Variants in GALNTL6 observed in about 807,000 individuals in gnomAD.
The protein encoded by GALNTL6 is polypeptide N-acetylgalactosaminyltransferase-like 6.
A neutral mutation model predicts 73.7 loss-of-function variants in GALNTL6; 46 were observed. That is an observed-to-expected ratio of 0.62 (90% CI 0.49 to 0.80). The LOEUF (loss-of-function observed/expected upper bound fraction) is 0.80. GALNTL6 is among the 30% of genes least tolerant of loss of function. The probability of loss-of-function intolerance (pLI) is 0.00; values close to 1 mark genes in which losing one functional copy is unlikely to be tolerated. For synonymous variants in GALNTL6, 259 were observed against 263.7 expected, an observed-to-expected ratio of 0.98 and a Z score of 0.17; for missense variants, 604 against 755.0, an observed-to-expected ratio of 0.80 and a Z score of 2.34.
intron 2 of GALNTL6, among the ~76,000 whole-genome samples, chr4:172,039,030 A>T (rs1232933973): frequency 1.3e-5 from 2 of 152,092 alleles, no homozygotes; most frequent in African/African-American, 4.8e-5. Flanking sequence ...TTTTCGCTTC[A>T]TTTTGACACC....
chr4:172,209,589 A>G lies in GALNTL6; in HGVS notation c.139-20067A>G, dbSNP rs528076047. On this transcript the variant is annotated intron_variant, in intron 2 of 12. Coordinates refer to ENST00000506823, the MANE Select transcript of GALNTL6 (RefSeq NM_001034845.3). ...AAAGGCAAATGAACATTAGCATCCA[A>G]TCTTTTAACAGATGTCCACAACTGT... 7.9e-5 allele frequency among the ~76,000 whole-genome samples: 12 copies of G among 152,198 alleles called. No homozygotes were observed. In the South Asian group the frequency reaches 1.2e-3, roughly 16 times the overall value.
chr4:172,952,811 T>C (rs1456383487), intron 10 of GALNTL6, among the ~76,000 whole-genome samples: 1 of 152,230 alleles, frequency 6.6e-6, no homozygotes, highest in African/African-American at 2.4e-5. Context: ...CCACTATGCC[T>C]GGCCATAAAT....
At chr4:172,060,989 A>G (rs1285732241) in intron 2 of GALNTL6, among the ~76,000 whole-genome samples, 1 of 152,192 alleles carries the variant, frequency 6.6e-6, no homozygotes, top group Non-Finnish European at 1.5e-5. Context: ...ATCATTAGGA[A>G]TATGTTTGGT....
At chr4:171,823,457 G>A (rs1734735369) in intron 2 of GALNTL6, among the ~76,000 whole-genome samples, 1 of 151,830 alleles carries the variant, frequency 6.6e-6, no homozygotes. Flanking sequence ...TAGTTTGAAT[G>A]TTTCTCCTGG....
intron 2 of GALNTL6, among the ~76,000 whole-genome samples, chr4:172,219,807 A>G (rs980750281): frequency 2.6e-5 from 4 of 151,956 alleles, no homozygotes; most frequent in Admixed American, 2.6e-4. Context: ...TAGACAAATT[A>G]TATTTATGCT....
intron 2 of GALNTL6, among the ~76,000 whole-genome samples, chr4:171,973,481 TTC>T: frequency 6.6e-6 from 1 of 152,240 alleles, no homozygotes; most frequent in Middle Eastern, 3.4e-3. Flanking sequence ...TCAGGTCAAT[TTC>T]TGTCACGTTT....
chr4:172,839,104 C>T (rs576133338), intron 7 of GALNTL6, among the ~76,000 whole-genome samples: 10 of 152,224 alleles, frequency 6.6e-5, no homozygotes, highest in Admixed American at 6.5e-5. Flanking sequence ...CATAAGATTA[C>T]GTTTTGCTTC....
At chr4:172,254,040 T>C (rs1004499930) in intron 3 of GALNTL6, among the ~76,000 whole-genome samples, 5 of 151,776 alleles carry the variant, frequency 3.3e-5, no homozygotes, top group African/African-American at 1.2e-4. Context: ...CCAAAGAAGG[T>C]CAGCAAGTGC....
intron 5 of GALNTL6, among the ~76,000 whole-genome samples, chr4:172,390,098 A>G (rs1396220): frequency 0.25 from 38,116 of 152,074 alleles, 5,644 homozygotes; most frequent in African/African-American, 0.4. Context: ...TTTTCTTATT[A>G]TTTAAATTTC....
At chr4:172,717,287 G>T (rs1373855739) in intron 5 of GALNTL6, among the ~76,000 whole-genome samples, 1 of 152,174 alleles carries the variant, frequency 6.6e-6, no homozygotes, top group Admixed American at 6.6e-5. Flanking sequence ...GAAAGAGTTT[G>T]CCCCTTAACA....
intron 10 of GALNTL6, among the ~76,000 whole-genome samples, chr4:172,968,000 T>A (rs1750409201): frequency 6.6e-6 from 1 of 152,184 alleles, no homozygotes; most frequent in Non-Finnish European, 1.5e-5. Context: ...GCATTTCTGA[T>A]GCTAAAAGCA....
chr4:172,276,525 T>C (rs955877282), intron 3 of GALNTL6, among the ~76,000 whole-genome samples: 1 of 152,358 alleles, frequency 6.6e-6, no homozygotes, highest in Admixed American at 6.5e-5. Context: ...TCTTAAAAAT[T>C]GCTCAACCTG....
At position 171,813,655 on chromosome 4, in the gene GALNTL6, G is replaced by A. The variant is rs934023197; in HGVS notation, c.-505G>A. On this transcript the variant is annotated 5_prime_UTR_variant, in exon 1 of 13. An upstream start codon of the reference 5' UTR is lost. Transcript: ENST00000506823. This position sits in a 1 kb window ranked among gnomAD's most constrained non-coding sequence, Gnocchi z 5.2. ...AGTTGCCAGAAAAGAATGGTAACAT[G>A]AACAGCGGAGCGTGAGAGCGTCACC... is the stretch of plus-strand genomic sequence containing the variant. The A allele has an allele frequency of 2.6e-5, 4 of 152,448 alleles. No individual in the cohort carries two copies. Among genetic ancestry groups the A allele is most frequent in the African/African-American group, 9.6e-5 (4 of 41,472 alleles). The allele number at this position is 152,448 out of a possible 1,614,324, so 9.4% of individuals were successfully genotyped here.
chr4:172,335,199 C>T (rs1270203161), intron 4 of GALNTL6, among the ~76,000 whole-genome samples: 3 of 152,056 alleles, frequency 2.0e-5, no homozygotes, highest in African/African-American at 4.8e-5. Flanking sequence ...ACCCACCAAT[C>T]ATATGACTTT....
intron 2 of GALNTL6, among the ~76,000 whole-genome samples, chr4:171,839,783 C>T (rs1735193437): frequency 6.6e-6 from 1 of 152,038 alleles, no homozygotes. Context: ...ACCCAAGATT[C>T]CTTTTCTTAA....
intron 5 of GALNTL6, among the ~76,000 whole-genome samples, chr4:172,603,624 A>G (rs1434448401): frequency 6.6e-6 from 1 of 152,218 alleles, no homozygotes; most frequent in Non-Finnish European, 1.5e-5. Context: ...AAATAAATAA[A>G]TAAAACTTAA....
At chr4:172,600,663 A>G (rs1280366856) in intron 5 of GALNTL6, among the ~76,000 whole-genome samples, 1 of 152,172 alleles carries the variant, frequency 6.6e-6, no homozygotes, top group East Asian at 1.9e-4. Context: ...AAGAGTATAG[A>G]GACATTTGAG....
intron 7 of GALNTL6, among the ~76,000 whole-genome samples, chr4:172,869,634 T>C (rs1432714203): frequency 6.6e-6 from 1 of 152,194 alleles, no homozygotes; most frequent in Non-Finnish European, 1.5e-5. Flanking sequence ...TGTGAACTTA[T>C]TTCCAATGTC....
At chr4:172,304,425 G>A (rs200805900) in intron 3 of GALNTL6, among the ~76,000 whole-genome samples, 1 of 149,806 alleles carries the variant, frequency 6.7e-6, no homozygotes, top group Admixed American at 6.7e-5. Flanking sequence ...TAGTATATGG[G>A]AAAAAAAAAA....
Sources: gnomAD v4.1 joint callset for allele counts (sites outside exome capture counted in the v4.1 genomes callset) on GRCh38, gnomAD v4.1.1 for gene constraint, Gnocchi (gnomAD v3.1) non-coding constraint, MANE v1.5 for transcripts, NCBI Gene and HGNC (gene_info 2026-07-23, HGNC 2026-07-21) for gene names.